The following MINDY2 variants were observed in gnomAD, a reference collection of about 807,000 sequenced individuals.
MINDY2 encodes ubiquitin carboxyl-terminal hydrolase MINDY-2.
In MINDY2, 52 loss-of-function variants were observed where a neutral mutation model predicts 68.2. The ratio of observed to expected loss-of-function variants is 0.76; its 90% CI spans 0.61 to 0.96. MINDY2 has a LOEUF of 0.96. MINDY2 is among the 40% of genes least tolerant of loss of function. The probability of loss-of-function intolerance (pLI) is 0.00; values close to 1 mark genes in which losing one functional copy is unlikely to be tolerated. For synonymous variants in MINDY2, 372 were observed against 303.0 expected (o/e 1.23, Z -2.36); for missense variants, 881 against 773.4 (o/e 1.14, Z -1.65).
Position 58,803,361 on chromosome 15 carries a change from G to A in MINDY2, c.963+984G>A, listed in dbSNP as rs1053311244. On this transcript the variant is annotated intron_variant, in intron 3 of 8. Coordinates refer to ENST00000559228, the MANE Select transcript of MINDY2 (RefSeq NM_001040450.3). ...TGCGCGCCTGTAGTCCCAGCTAGTC[G>A]TGAGGCTGAGGCAGGAGAATCACTT... 5.3e-5 allele frequency among the ~76,000 whole-genome samples: 8 copies of A among 151,812 alleles called. No individual in the cohort carries two copies. The East Asian group carries it at 5.8e-4, about 11-fold the overall frequency.
chr15:58,799,562 G>C (rs1398871979), intron 2 of MINDY2, among the ~76,000 whole-genome samples: 1 of 137,966 alleles, frequency 7.2e-6, no homozygotes, highest in Non-Finnish European at 1.5e-5. Flanking sequence ...CTGGGCGACA[G>C]AGCGAGACTC....
chr15:58,788,739 G>A (rs1462218665), intron 2 of MINDY2, among the ~76,000 whole-genome samples: 2 of 152,186 alleles, frequency 1.3e-5, no homozygotes, highest in Admixed American at 1.3e-4. Flanking sequence ...GCCAGGTGTG[G>A]TGGCTCACGC....
intron 2 of MINDY2, among the ~76,000 whole-genome samples, chr15:58,791,491 C>G (rs1901913938): frequency 6.6e-6 from 1 of 151,408 alleles, no homozygotes; most frequent in Non-Finnish European, 1.5e-5. Flanking sequence ...ATGGTGTGCA[C>G]CTGTAGTCCC....
chr15:58,842,104 C>T (rs2032316163), intron 6 of MINDY2, among the ~76,000 whole-genome samples: 2 of 151,996 alleles, frequency 1.3e-5, no homozygotes, highest in African/African-American at 2.4e-5. Flanking sequence ...ATGATATCTG[C>T]ATAGCTCTTT....
At position 58,785,451 on chromosome 15, in the gene MINDY2, A is replaced by G. The variant is rs545087904; in HGVS notation, c.841-2455A>G. Among the ~76,000 whole-genome samples, 111 of 152,322 alleles carry G rather than the reference A, an allele frequency of 7.3e-4. 2 individuals are homozygous for G. The highest frequency in any genetic ancestry group is 6.8e-3 in the Middle Eastern group (2 of 294). ...TAATATTTTAGGCTTTGCATGCCAT[A>G]CTGTCTCTGCTGCACAAATTCATCT... On this transcript the variant is annotated intron_variant, in intron 1 of 8. Transcript: ENST00000559228.
At chr15:58,805,140 T>A (rs1289127246) in intron 3 of MINDY2, among the ~76,000 whole-genome samples, 1 of 152,200 alleles carries the variant, frequency 6.6e-6, no homozygotes, top group East Asian at 1.9e-4. Flanking sequence ...GCATTTCTCA[T>A]AAACATATCA....
At chr15:58,843,537 C>T (rs912908106) in intron 6 of MINDY2, among the ~76,000 whole-genome samples, 5 of 152,054 alleles carry the variant, frequency 3.3e-5, no homozygotes, top group African/African-American at 9.7e-5. Context: ...CAAAAGAACA[C>T]GGAATGAAAA....
chr15:58,846,691 C>T (rs1167294425), intron 6 of MINDY2, among the ~76,000 whole-genome samples: 1 of 151,282 alleles, frequency 6.6e-6, no homozygotes, highest in South Asian at 2.1e-4. Flanking sequence ...TTTGTATGCA[C>T]GTACAGAGTT....
intron 4 of MINDY2, among the ~76,000 whole-genome samples, chr15:58,819,285 A>G (rs2030905156): frequency 6.6e-6 from 1 of 152,152 alleles, no homozygotes; most frequent in Non-Finnish European, 1.5e-5. Context: ...CTGTCTCTAC[A>G]AAAAATTTAA....
At chr15:58,819,284 C>A (rs2030904978) in intron 4 of MINDY2, among the ~76,000 whole-genome samples, 1 of 152,060 alleles carries the variant, frequency 6.6e-6, no homozygotes, top group South Asian at 2.1e-4. Flanking sequence ...CCTGTCTCTA[C>A]AAAAAATTTA....
chr15:58,833,646 G>A (rs1179777922), intron 6 of MINDY2, among the ~76,000 whole-genome samples: 1 of 152,138 alleles, frequency 6.6e-6, no homozygotes. Context: ...TGCTGTTGAT[G>A]TGCATATACA....
At chr15:58,782,252 G>A (rs1043987483) in intron 1 of MINDY2, among the ~76,000 whole-genome samples, 11 of 151,904 alleles carry the variant, frequency 7.2e-5, no homozygotes, top group Non-Finnish European at 1.5e-5. Flanking sequence ...TATTCATGCT[G>A]AATATATAAA....
intron 1 of MINDY2, among the ~76,000 whole-genome samples, chr15:58,778,675 G>A (rs1900930269): frequency 6.6e-6 from 1 of 151,796 alleles, no homozygotes; most frequent in African/African-American, 2.4e-5. Flanking sequence ...CACCCAGGCT[G>A]GAGTGTGGTG....
At chr15:58,830,003 C>A (rs932332478) in intron 5 of MINDY2, among the ~76,000 whole-genome samples, 3 of 152,194 alleles carry the variant, frequency 2.0e-5, no homozygotes, top group Non-Finnish European at 4.4e-5. Flanking sequence ...TCTCTCAGAT[C>A]ACTTATGAAA....
Position 58,859,757 on chromosome 15 carries a change from T to A in MINDY2, c.*5147T>A, listed in dbSNP as rs1286281359. ...TGCATGTTCTTACTTAATCCTGGTG[T>A]TTTTGCTCTTAGATGTTAGAGTTTA... On this transcript the variant is annotated 3_prime_UTR_variant, in exon 9 of 9. Transcript: ENST00000559228. 1 of 152,208 alleles carries A rather than the reference T, an allele frequency of 6.6e-6. No individual in the cohort carries two copies. Among genetic ancestry groups the A allele is most frequent in the Non-Finnish European group, 1.5e-5 (1 of 68,036 alleles). The allele number at this position is 152,208 out of a possible 1,614,324, so 9.4% of individuals were successfully genotyped here.
rs1263764872 is a variant in MINDY2, at chr15:58,771,695, G to A, written c.300G>A (p.Ala100=). The part of the protein sequence containing the change: ...SGLESPAAAE[A]PLRGQYKVTA... ...TGGAGAGTCCTGCTGCCGCCGAGGC[G>A]CCTCTGAGAGGGCAGTACAAGGTGA... The change falls in exon 1 of 9, where the codon GCG becomes GCA. Residue 100 remains alanine, a synonymous_variant. Transcript: ENST00000559228. 6.2e-7 allele frequency: 1 copy of A among 1,612,392 alleles called. No homozygotes were observed. Among genetic ancestry groups the A allele is most frequent in the Non-Finnish European group, 8.5e-7 (1 of 1,179,830 alleles).
intron 5 of MINDY2, among the ~76,000 whole-genome samples, chr15:58,825,782 T>C (rs1477707090): frequency 2.0e-5 from 3 of 152,098 alleles, no homozygotes; most frequent in African/African-American, 4.8e-5. Flanking sequence ...TTTTTTGTAT[T>C]TTTAGGTGAG....
At position 58,803,481 on chromosome 15, in the gene MINDY2, A is replaced by G. The variant is rs535376827; in HGVS notation, c.963+1104A>G. On this transcript the variant is annotated intron_variant, in intron 3 of 8. Coordinates refer to ENST00000559228, the MANE Select transcript of MINDY2 (RefSeq NM_001040450.3). ...GACTCTGTCTCATAAAAAAAAAAAA[A>G]AAGAAGAAGAATCAACAACTTACAT... is the stretch of plus-strand genomic sequence containing the variant. Among the ~76,000 whole-genome samples, 164 of 150,892 alleles carry G rather than the reference A, an allele frequency of 1.1e-3. 2 individuals are homozygous for G. Among genetic ancestry groups the G allele is most frequent in the Middle Eastern group, 3.4e-3 (1 of 290 alleles).
At chr15:58,798,586 G>A (rs1902438943) in intron 2 of MINDY2, among the ~76,000 whole-genome samples, 1 of 151,798 alleles carries the variant, frequency 6.6e-6, no homozygotes, top group South Asian at 2.1e-4. Context: ...CTCCCAAGTA[G>A]CTGGGATTAC....
Sources: allele counts gnomAD v4.1 joint callset (sites outside exome capture counted in the v4.1 genomes callset), GRCh38; gene constraint gnomAD v4.1.1; transcripts MANE v1.5; gene names NCBI Gene and HGNC (gene_info 2026-07-23, HGNC 2026-07-21).